XRCC4: variants seen among roughly 807,000 people sequenced by gnomAD.
XRCC4 encodes X-ray repair cross complementing 4.
XRCC4 carries 28 observed loss-of-function variants against 39.1 expected under a neutral mutation model. The ratio of observed to expected loss-of-function variants is 0.72; its 90% CI spans 0.53 to 0.98. The LOEUF (loss-of-function observed/expected upper bound fraction) is 0.98. Among genes scored for constraint, XRCC4 ranks in the 50% least tolerant of loss-of-function variants. The probability of loss-of-function intolerance (pLI) is 0.00; values close to 1 mark genes in which losing one functional copy is unlikely to be tolerated. For missense variants in XRCC4, 350 were observed against 376.4 expected, an observed-to-expected ratio of 0.93 and a Z score of 0.58; for synonymous variants, 123 against 126.4, an observed-to-expected ratio of 0.97 and a Z score of 0.18.
intron 7 of XRCC4, among the ~76,000 whole-genome samples, chr5:83,268,357 T>C (rs182219242): frequency 1.4e-3 from 220 of 152,218 alleles, no homozygotes; most frequent in African/African-American, 4.9e-3. Context: ...AAACAAGTCA[T>C]GGGGATTGAC....
chr5:83,091,010 A>G (rs1287470800), intron 1 of XRCC4, among the ~76,000 whole-genome samples: 1 of 152,192 alleles, frequency 6.6e-6, no homozygotes, highest in East Asian at 1.9e-4. Context: ...AGTATTTAAC[A>G]TTGTTTATTT....
chr5:83,268,427 A>G (rs1454385517), intron 7 of XRCC4, among the ~76,000 whole-genome samples: 1 of 152,186 alleles, frequency 6.6e-6, no homozygotes, highest in Non-Finnish European at 1.5e-5. Context: ...ACTCAAATAT[A>G]TATATTGTGA....
At chr5:83,181,321 A>G (rs900873970) in intron 3 of XRCC4, among the ~76,000 whole-genome samples, 32 of 152,086 alleles carry the variant, frequency 2.1e-4, no homozygotes, top group African/African-American at 7.5e-4. Context: ...TTAGAGGTAT[A>G]TAGTGAACAT....
intron 6 of XRCC4, among the ~76,000 whole-genome samples, chr5:83,216,499 A>G (rs886206108): frequency 1.3e-5 from 2 of 152,216 alleles, no homozygotes; most frequent in South Asian, 2.1e-4. Flanking sequence ...ACGTCCTCAT[A>G]AAGACATATA....
In XRCC4 at chr5:83,353,618, G is replaced by C. The variant is rs969796521; in HGVS notation, c.*376G>C. 1.3e-5 allele frequency: 2 copies of C among 155,142 alleles called. No individual in the cohort carries two copies. The highest frequency in any genetic ancestry group is 4.8e-5 in the African/African-American group (2 of 41,576). The allele number at this position is 155,142 out of a possible 1,614,324, so 9.6% of individuals were successfully genotyped here. A position where few individuals can be genotyped will look rare whatever the true frequency, so the allele number is the denominator to read the frequency against. ...AAAACATCATTTTAAAATGTCTTCA[G>C]CTTTTTTTGAATAGACGTATTCAAA... On this transcript the variant is annotated 3_prime_UTR_variant, in exon 8 of 8. Coordinates refer to ENST00000396027, the MANE Select transcript of XRCC4 (RefSeq NM_003401.5).
chr5:83,364,365 G>A, the XRCC4 span, among the ~76,000 whole-genome samples: 1 of 151,922 alleles, frequency 6.6e-6, no homozygotes, highest in South Asian at 2.1e-4. Flanking sequence ...GATTTTAATG[G>A]AAAAATGAAT....
At chr5:83,079,472 G>C (rs941983018) in intron 1 of XRCC4, among the ~76,000 whole-genome samples, 12 of 152,012 alleles carry the variant, frequency 7.9e-5, no homozygotes, top group African/African-American at 2.9e-4. Flanking sequence ...AACCATCTTG[G>C]ATCCTTTCCT....
chr5:83,197,617 T>A (rs969351724), intron 4 of XRCC4, among the ~76,000 whole-genome samples: 1 of 152,170 alleles, frequency 6.6e-6, no homozygotes, highest in Non-Finnish European at 1.5e-5. Flanking sequence ...GGGGCACATA[T>A]TATATGTGGC....
At chr5:83,148,730 C>G (rs965442814) in intron 3 of XRCC4, among the ~76,000 whole-genome samples, 22 of 151,934 alleles carry the variant, frequency 1.4e-4, no homozygotes, top group Admixed American at 4.6e-4. Context: ...TTAGGTGCTT[C>G]CCTTGAGTTT....
chr5:83,360,644 G>A, the XRCC4 span, among the ~76,000 whole-genome samples: 1 of 152,004 alleles, frequency 6.6e-6, no homozygotes, highest in Admixed American at 6.6e-5. Flanking sequence ...CTGCTATGAG[G>A]AGAACATGCC....
chr5:83,204,960 T>G, intron 6 of XRCC4, 39 bp downstream of exon 6: 1 of 1,354,998 alleles, frequency 7.4e-7, no homozygotes, highest in Non-Finnish European at 1.0e-6. Flanking sequence ...GTTGAATATC[T>G]TATTTGGGCT....
At chr5:83,112,091 G>C (rs28383156) in intron 3 of XRCC4, among the ~76,000 whole-genome samples, 1 of 151,992 alleles carries the variant, frequency 6.6e-6, no homozygotes, top group Non-Finnish European at 1.5e-5. Flanking sequence ...TTATATTATC[G>C]TGTAGGGAAT....
chr5:83,296,185 A>G (rs1755086981), intron 7 of XRCC4, among the ~76,000 whole-genome samples: 1 of 152,122 alleles, frequency 6.6e-6, no homozygotes, highest in Non-Finnish European at 1.5e-5. Context: ...TGTAAGTTAC[A>G]TATCTCTCTT....
rs28360197 is a variant in XRCC4 at position 83,229,145 on chromosome 5, T to C, written c.745+24224T>C. On this transcript the variant is annotated intron_variant, in intron 6 of 7. Transcript: ENST00000396027. ...TATAGACTTTCCACTTCTCTTGATA[T>C]AAAGTTCCACTACTTATTACTGGAG... 5.9e-3 allele frequency among the ~76,000 whole-genome samples: 899 copies of C among 152,148 alleles called. 12 individuals carry two copies. The highest frequency in any genetic ancestry group is 0.021 in the African/African-American group (863 of 41,544).
At chr5:83,295,731 C>T (rs868682533) in intron 7 of XRCC4, among the ~76,000 whole-genome samples, 40 of 152,088 alleles carry the variant, frequency 2.6e-4, no homozygotes, top group Middle Eastern at 3.4e-3. Flanking sequence ...CACACGCACA[C>T]GCACAAACAT....
At chr5:83,169,088 T>C (rs1178710421) in intron 3 of XRCC4, among the ~76,000 whole-genome samples, 2 of 152,184 alleles carry the variant, frequency 1.3e-5, no homozygotes, top group Admixed American at 1.3e-4. Context: ...TGCTCAATCA[T>C]TTTCAATTAG....
intron 4 of XRCC4, among the ~76,000 whole-genome samples, chr5:83,200,630 GA>G (rs1751150174): frequency 1.3e-5 from 2 of 152,042 alleles, no homozygotes; most frequent in South Asian, 4.1e-4. Flanking sequence ...ATTCAATCAA[GA>G]ATTATTGAAG....
At chr5:83,232,680 A>G (rs181108984) in intron 6 of XRCC4, among the ~76,000 whole-genome samples, 106 of 152,260 alleles carry the variant, frequency 7.0e-4, no homozygotes, top group African/African-American at 2.3e-3. Context: ...AAATATCTAA[A>G]TTAGGATGAC....
intron 3 of XRCC4, among the ~76,000 whole-genome samples, chr5:83,157,453 C>T (rs1409086443): frequency 1.3e-5 from 2 of 151,816 alleles, no homozygotes. Context: ...GCTTGCCAGG[C>T]ATTTGGGGAA....
Sources: allele counts gnomAD v4.1 joint callset (sites outside exome capture counted in the v4.1 genomes callset), GRCh38; gene constraint gnomAD v4.1.1; transcripts MANE v1.5; gene names NCBI Gene and HGNC (gene_info 2026-07-23, HGNC 2026-07-21).